Variants in KCNJ16 observed in about 807,000 individuals in gnomAD.
KCNJ16 encodes the protein potassium inwardly rectifying channel subfamily J member 16, also known as inward rectifier potassium channel 16.
A neutral mutation model predicts 18.5 loss-of-function variants in KCNJ16; 15 were observed. That is an observed-to-expected ratio of 0.81 (90% CI 0.54 to 1.25). The LOEUF is 1.25. Ranked by LOEUF, KCNJ16 falls within the 50% of genes most tolerant of loss-of-function variation. KCNJ16 has a pLI of 0.00. For synonymous variants in KCNJ16, 174 were observed against 186.5 expected, an observed-to-expected ratio of 0.93 and a Z score of 0.55; for missense variants, 523 against 525.7, an observed-to-expected ratio of 0.99 and a Z score of 0.05.
rs58106784 is a variant in KCNJ16 at position 70,133,493 on chromosome 17, AT to A, written c.*150del. 14,687 of 652,748 alleles carry A rather than the reference AT, an allele frequency of 0.023. 1,676 individuals carry two copies. In the African/African-American group the frequency reaches 0.24, roughly 11 times the overall value. 40.4% of individuals were successfully genotyped at this position (652,748 alleles called of 1,614,324 possible). On this transcript the variant is annotated 3_prime_UTR_variant, in exon 4 of 4. Transcript: ENST00000392671. ...AGTAAGTTAAACTTGGTAAAAGATA[AT>A]CTAAAAATTCCATAGTTCTCAGTTA...
At chr17:70,129,419 CTAGT>C (rs1265034823) in intron 2 of KCNJ16, among the ~76,000 whole-genome samples, 3 of 152,148 alleles carry the variant, frequency 2.0e-5, no homozygotes, top group African/African-American at 4.8e-5. Context: ...AATATTTCAT[CTAGT>C]TAGTGTGACA....
At position 70,103,296 on chromosome 17, in the gene KCNJ16, G is replaced by GTGTGTGTGTGTGTGTA. The variant is rs1408960241; in HGVS notation, c.-191+2531_-191+2532insGTGTGTGTGTGTGTAT. ...ATATAATATGCATATATGTGTGTGTGTATATATATATATATATATATATAT... is the reference window on the plus strand; with the variant it reads ...ATATAATATGCATATATGTGTGTGTGTGTGTGTGTGTGTGTATATATATATATATATATATATATAT... On this transcript the variant is annotated intron_variant, in intron 2 of 3. Coordinates refer to ENST00000392671, the MANE Select transcript of KCNJ16 (RefSeq NM_170741.4). Among the ~76,000 whole-genome samples, 417 of 72,032 alleles carry GTGTGTGTGTGTGTGTA rather than the reference G, an allele frequency of 5.8e-3. 1 individual carries two copies. The highest frequency in any genetic ancestry group is 0.01 in the African/African-American group (228 of 22,488). 47.3% of individuals were successfully genotyped at this position (72,032 alleles called of 152,430 possible).
chr17:70,108,973 A>G (rs1350406591), intron 2 of KCNJ16, among the ~76,000 whole-genome samples: 1 of 151,996 alleles, frequency 6.6e-6, no homozygotes, highest in East Asian at 1.9e-4. Context: ...TCATTCCTAG[A>G]ACTCCTAAGT....
At chr17:70,075,419 T>C (rs1243913223) in intron 1 of KCNJ16, 29 bp downstream of exon 1, 1 of 152,208 alleles carries the variant, frequency 6.6e-6, no homozygotes, top group East Asian at 1.9e-4. Flanking sequence ...ATGGATACAA[T>C]GTCATTCAGC....
At chr17:70,119,267 G>C (rs768047303) in intron 2 of KCNJ16, among the ~76,000 whole-genome samples, 15 of 152,210 alleles carry the variant, frequency 9.9e-5, no homozygotes, top group Admixed American at 1.3e-4. Flanking sequence ...AATGCATGTA[G>C]CTTTTCCATG....
chr17:70,125,984 C>T (rs1403212944), intron 2 of KCNJ16, among the ~76,000 whole-genome samples: 1 of 151,842 alleles, frequency 6.6e-6, no homozygotes, highest in Non-Finnish European at 1.5e-5. Flanking sequence ...AGAATAGCTA[C>T]TCTATAGACG....
chr17:70,092,566 T>TG (rs1555585505), intron 1 of KCNJ16, among the ~76,000 whole-genome samples: 35 of 102,686 alleles, frequency 3.4e-4, no homozygotes, highest in African/African-American at 1.0e-3. Flanking sequence ...AGATGATAGA[T>TG]ATAGATAGAT....
chr17:70,103,324 A>ACACACACACATAT (rs142139198), intron 2 of KCNJ16, among the ~76,000 whole-genome samples: 10,583 of 113,126 alleles, frequency 0.094, 602 homozygotes, highest in Middle Eastern at 0.14. Context: ...ATATATATAC[A>ACACACACACATAT]CACACATATA....
At chr17:70,112,440 A>G (rs1460227058) in intron 2 of KCNJ16, among the ~76,000 whole-genome samples, 2 of 151,688 alleles carry the variant, frequency 1.3e-5, no homozygotes, top group African/African-American at 4.8e-5. Flanking sequence ...TCAAATGCCA[A>G]TGATGTTTAT....
At chr17:70,099,058 A>C (rs1390864133) in intron 1 of KCNJ16, among the ~76,000 whole-genome samples, 1 of 152,132 alleles carries the variant, frequency 6.6e-6, no homozygotes, top group African/African-American at 2.4e-5. Context: ...AAAACTCTAC[A>C]AATCAGTCCT....
At chr17:70,104,292 C>T (rs1305701068) in intron 2 of KCNJ16, among the ~76,000 whole-genome samples, 1 of 152,158 alleles carries the variant, frequency 6.6e-6, no homozygotes, top group African/African-American at 2.4e-5. Flanking sequence ...AAGAAACTTG[C>T]TCCCTCTCTA....
intron 2 of KCNJ16, among the ~76,000 whole-genome samples, chr17:70,119,302 T>A (rs1276363029): frequency 2.0e-5 from 3 of 152,200 alleles, no homozygotes; most frequent in African/African-American, 7.2e-5. Flanking sequence ...TGCTGGTGGA[T>A]CTACTCTTCT....
chr17:70,087,852 T>C (rs1261989799), intron 1 of KCNJ16, among the ~76,000 whole-genome samples: 2 of 151,730 alleles, frequency 1.3e-5, no homozygotes, highest in Non-Finnish European at 2.9e-5. Context: ...AAGAAAAATA[T>C]GCCAGTGTAT....
In KCNJ16 at chr17:70,133,222, A is replaced by G. The variant is rs2144316370; in HGVS notation, c.1135A>G (p.Ile379Val). ...ACGAAGGTCATTTAGTGCAGTTGCC[A>G]TTGTCAGCAGCTGTGAAAACCCTGA... Reference protein sequence around the residue: ...ARRRSFSAVAIVSSCENPEET... With the variant: ...ARRRSFSAVAVVSSCENPEET... The change falls in exon 4 of 4, where the codon ATT becomes GTT. Residue 379 changes from isoleucine to valine, a missense_variant. By Grantham distance (29) the Ile-to-Val change is conservative (BLOSUM62 3). Transcript: ENST00000392671. 1.9e-6 allele frequency: 3 copies of G among 1,614,202 alleles called. No homozygotes were observed. Among genetic ancestry groups the G allele is most frequent in the South Asian group, 1.1e-5 (1 of 91,078 alleles).
intron 2 of KCNJ16, among the ~76,000 whole-genome samples, chr17:70,130,425 A>G (rs1445362571): frequency 6.6e-6 from 1 of 152,216 alleles, no homozygotes; most frequent in Non-Finnish European, 1.5e-5. Context: ...ACTGATCTGG[A>G]TGATGGGTGA....
intron 2 of KCNJ16, among the ~76,000 whole-genome samples, chr17:70,125,553 C>A (rs1399327336): frequency 2.0e-5 from 3 of 152,158 alleles, no homozygotes; most frequent in African/African-American, 7.2e-5. Flanking sequence ...CTGGTCCAGA[C>A]CCCAAGTGAG....
At chr17:70,087,415 AAGG>A (rs1195488098) in intron 1 of KCNJ16, among the ~76,000 whole-genome samples, 26 of 152,050 alleles carry the variant, frequency 1.7e-4, no homozygotes, top group Non-Finnish European at 3.5e-4. Context: ...GAAAAATCTT[AAGG>A]AGGCCAGGCG....
chr17:70,079,751 A>G (rs977779204), intron 1 of KCNJ16, among the ~76,000 whole-genome samples: 2 of 152,146 alleles, frequency 1.3e-5, no homozygotes, highest in Non-Finnish European at 2.9e-5. Context: ...TGCCTAGGCT[A>G]GAGGGCAGTG....
At chr17:70,095,461 G>A (rs1386143599) in intron 1 of KCNJ16, among the ~76,000 whole-genome samples, 1 of 152,074 alleles carries the variant, frequency 6.6e-6, no homozygotes, top group Admixed American at 6.5e-5. Context: ...GAGGAAGCCC[G>A]GCTTCCACAT....
Sources: allele counts gnomAD v4.1 joint callset (sites outside exome capture counted in the v4.1 genomes callset), GRCh38; gene constraint gnomAD v4.1.1; transcripts MANE v1.5; gene names NCBI Gene and HGNC (gene_info 2026-07-23, HGNC 2026-07-21).